The following CNOT10 variants were observed in gnomAD, a reference collection of about 807,000 sequenced individuals.
CNOT10 encodes CCR4-NOT transcription complex subunit 10, also known as CCR4-NOT transcription complex, subunit 10.
In CNOT10, 30 loss-of-function variants were observed where a neutral mutation model predicts 94.6. That is an observed-to-expected ratio of 0.32 (90% confidence interval 0.24 to 0.43). The LOEUF is 0.43. Among genes scored for constraint, CNOT10 ranks in the 20% least tolerant of loss-of-function variants. CNOT10 has a pLI of 1.00. For synonymous variants in CNOT10, 289 were observed against 301.6 expected (o/e 0.96, Z 0.43); for missense variants, 759 against 877.2 (o/e 0.87, Z 1.70).
intron 18 of CNOT10, among the ~76,000 whole-genome samples, chr3:32,771,610 A>G (rs1700911658): frequency 1.3e-5 from 2 of 152,020 alleles, no homozygotes; most frequent in African/African-American, 4.8e-5. Flanking sequence ...AAATAATAAT[A>G]ATAATAAATA....
In CNOT10 at chr3:32,696,885, T is replaced by C. The variant is rs537358847; in HGVS notation, c.23-6983T>C. ...GAGCCAGTGTGTCCAGCCCAGCTTA[T>C]ATATTTATCTTAAATTGGCTTCTCT... On this transcript the variant is annotated intron_variant, in intron 1 of 18. Coordinates refer to ENST00000328834, the MANE Select transcript of CNOT10 (RefSeq NM_015442.3). Among the ~76,000 whole-genome samples the C allele has an allele frequency of 5.3e-4, 80 of 152,274 alleles. No homozygotes were observed. The East Asian group carries it at 6.2e-3, about 12-fold the overall frequency.
rs764577018 is a variant in CNOT10, at chr3:32,713,230, A to G, written c.434A>G (p.Glu145Gly). The G allele has an allele frequency of 1.3e-6, 2 of 1,563,052 alleles. No individual in the cohort carries two copies. The highest frequency in any genetic ancestry group is 2.4e-5 in the South Asian group (2 of 82,326). ...KLYQFIEPFEEKFAQAVCFLL... is the reference protein window; with the variant it reads ...KLYQFIEPFEGKFAQAVCFLL... ...TTCTGTGTTTTTTTTCTCCCAGAAG[A>G]AAAATTTGCCCAAGCAGTGTGTTTT... The change falls in exon 5 of 19, where the codon GAA (glutamate) becomes GGA (glycine). Residue 145 changes from glutamate (E) to glycine (G), a missense_variant. This residue lies in a region of CNOT10 where 682 missense variants were observed against 799.4 expected (regional missense o/e 0.85). Transcript: ENST00000328834.
At chr3:32,718,224 G>A (rs940769322) in intron 7 of CNOT10, among the ~76,000 whole-genome samples, 2 of 150,842 alleles carry the variant, frequency 1.3e-5, no homozygotes, top group Non-Finnish European at 2.9e-5. Context: ...GCCTAAGAGG[G>A]AAAGGCCCAG....
At chr3:32,729,862 G>A (rs1321315033) in intron 10 of CNOT10, among the ~76,000 whole-genome samples, 8 of 144,542 alleles carry the variant, frequency 5.5e-5, no homozygotes, top group South Asian at 4.4e-4. Context: ...TCCGCCTCCC[G>A]GGTTCACGCC....
chr3:32,754,489 A>AAAT lies in CNOT10; in HGVS notation c.1596-4968_1596-4967insATA, dbSNP rs77878221. Among the ~76,000 whole-genome samples the AAAT allele has an allele frequency of 3.1e-3, 219 of 70,188 alleles. 25 individuals carry two copies. The highest frequency in any genetic ancestry group is 0.03 in the Admixed American group (131 of 4,324). The allele number at this position is 70,188 out of a possible 152,430, so 46.0% of individuals were successfully genotyped here. Reference sequence around the variant, plus strand: ...AAGACTCCGTCTCAAAAAAAAAAAAAATACATATATATATATATATTTATT... The same window carrying AAAT: ...AAGACTCCGTCTCAAAAAAAAAAAAAAATATACATATATATATATATATTTATT... On this transcript the variant is annotated intron_variant, in intron 13 of 18. Transcript: ENST00000328834.
chr3:32,747,274 C>G (rs561156066), intron 13 of CNOT10, among the ~76,000 whole-genome samples: 1 of 151,558 alleles, frequency 6.6e-6, no homozygotes, highest in Non-Finnish European at 1.5e-5. Flanking sequence ...AAAAATTAAG[C>G]GGGTGTACTG....
chr3:32,764,379 T>G, intron 15 of CNOT10, 76 bp from the exon 16 acceptor site: 1 of 1,460,734 alleles, frequency 6.8e-7, no homozygotes, highest in South Asian at 1.2e-5. Flanking sequence ...GCCCTCTACC[T>G]TCTGAGCCCG....
At chr3:32,765,011 C>T (rs1700603163) in intron 17 of CNOT10, 2 of 1,499,126 alleles carry the variant, frequency 1.3e-6, no homozygotes, top group East Asian at 2.7e-5. Flanking sequence ...GAAAGTTCTT[C>T]TTGATGATTT....
intron 14 of CNOT10, among the ~76,000 whole-genome samples, chr3:32,761,165 C>T (rs887646724): frequency 6.6e-6 from 1 of 152,096 alleles, no homozygotes; most frequent in Non-Finnish European, 1.5e-5. Context: ...ATATAAGAGA[C>T]TTTGTCACAA....
intron 10 of CNOT10, 68 bp from the exon 11 acceptor site, chr3:32,733,355 T>C (rs1030817064): frequency 1.7e-6 from 2 of 1,207,472 alleles, no homozygotes; most frequent in Admixed American, 4.9e-5. Context: ...GTGAGAGATA[T>C]TCCCTCATTT....
intron 1 of CNOT10, among the ~76,000 whole-genome samples, chr3:32,691,911 G>T (rs957746068): frequency 6.6e-6 from 1 of 151,922 alleles, no homozygotes; most frequent in African/African-American, 2.4e-5. Context: ...TAAAAAATTA[G>T]TGGTGGCGCA....
chr3:32,716,674 G>A (rs71325110), intron 6 of CNOT10, among the ~76,000 whole-genome samples: 2,199 of 152,214 alleles, frequency 0.014, 35 homozygotes, highest in Non-Finnish European at 0.023. Flanking sequence ...TTGAGACGGA[G>A]CCTCACTCTG....
chr3:32,688,557 A>G (rs1198760593), intron 1 of CNOT10, among the ~76,000 whole-genome samples: 1 of 152,058 alleles, frequency 6.6e-6, no homozygotes, highest in African/African-American at 2.4e-5. Context: ...AGATCGCACC[A>G]CTGCACTCCA....
chr3:32,727,102 C>A lies in CNOT10; in HGVS notation c.1013-566C>A, dbSNP rs545813377. 1.6e-3 allele frequency among the ~76,000 whole-genome samples: 245 copies of A among 151,960 alleles called. 1 individual carries two copies. The highest frequency in any genetic ancestry group is 5.7e-3 in the African/African-American group (238 of 41,486). ...CTTCGTGATCTGCCCGCCTTGGCCTCCCAAAGTGCTGGGATTACAGGCGTG... is the reference window on the plus strand; with the variant it reads ...CTTCGTGATCTGCCCGCCTTGGCCTACCAAAGTGCTGGGATTACAGGCGTG... On this transcript the variant is annotated intron_variant, in intron 9 of 18. Transcript: ENST00000328834.
intron 13 of CNOT10, chr3:32,753,135 A>G (rs1700037118): frequency 1.7e-6 from 1 of 588,324 alleles, no homozygotes; most frequent in Non-Finnish European, 3.2e-6. Context: ...TTCAATCCAA[A>G]TAATTCCACC....
At chr3:32,706,303 T>G (rs1434690590) in intron 3 of CNOT10, among the ~76,000 whole-genome samples, 2 of 152,186 alleles carry the variant, frequency 1.3e-5, no homozygotes, top group Non-Finnish European at 2.9e-5. Flanking sequence ...ATTTGTTTGG[T>G]TTTTGAGAAT....
At chr3:32,765,023 AT>A in intron 17 of CNOT10, 1 of 1,470,646 alleles carries the variant, frequency 6.8e-7, no homozygotes, top group South Asian at 1.2e-5. Context: ...TGATGATTTT[AT>A]TTTAAAAAAA....
intron 17 of CNOT10, 183 bp from the exon 18 acceptor site, chr3:32,769,704 T>G: frequency 3.6e-6 from 2 of 557,132 alleles, no homozygotes; most frequent in Non-Finnish European, 3.3e-6. Context: ...ATGTCTAGCT[T>G]AATTGTTAGG....
At chr3:32,756,967 A>G (rs1031315115) in intron 13 of CNOT10, among the ~76,000 whole-genome samples, 2 of 151,700 alleles carry the variant, frequency 1.3e-5, no homozygotes, top group African/African-American at 2.4e-5. Flanking sequence ...TTAGCTGGGC[A>G]TGGTGGCGGG....
Sources: allele counts gnomAD v4.1 joint callset (sites outside exome capture counted in the v4.1 genomes callset), GRCh38; gene constraint gnomAD v4.1.1; regional missense constraint gnomAD v4.1.1; transcripts MANE v1.5; gene names NCBI Gene and HGNC (gene_info 2026-07-23, HGNC 2026-07-21).